Variants in NUDT3 observed in about 807,000 individuals in gnomAD.
NUDT3 encodes nudix hydrolase 3, also known as diphosphoinositol polyphosphate phosphohydrolase 1.
In NUDT3, 9 loss-of-function variants were observed where a neutral mutation model predicts 23.6. The observed-to-expected ratio is 0.38, with a 90% CI of 0.23 to 0.66. The LOEUF (loss-of-function observed/expected upper bound fraction) is 0.66, where lower values mean the gene tolerates loss of function less well. Ranked by LOEUF, NUDT3 falls within the 30% of genes least tolerant of loss-of-function variation. The probability of loss-of-function intolerance (pLI) is 0.52; values close to 1 mark genes in which losing one functional copy is unlikely to be tolerated. For missense variants in NUDT3, 172 were observed against 218.5 expected (o/e 0.79, Z 1.34); for synonymous variants, 86 against 82.6 (o/e 1.04, Z -0.22).
intron 2 of NUDT3, among the ~76,000 whole-genome samples, chr6:34,333,950 A>G (rs1764167160): frequency 6.6e-6 from 1 of 152,236 alleles, no homozygotes; most frequent in Non-Finnish European, 1.5e-5. Flanking sequence ...AGACAGGAAA[A>G]ACACAAAATA....
intron 2 of NUDT3, among the ~76,000 whole-genome samples, chr6:34,297,718 TAAAAAAA>T (rs200099331): frequency 2.0e-4 from 16 of 78,796 alleles, no homozygotes; most frequent in African/African-American, 3.8e-4. Context: ...CCGGCTAATG[TAAAAAAA>T]AAAAAATATA....
chr6:34,289,802 G>C (rs1485493827), intron 4 of NUDT3, among the ~76,000 whole-genome samples: 1 of 151,866 alleles, frequency 6.6e-6, no homozygotes, highest in Non-Finnish European at 1.5e-5. Context: ...TCTTATAAAA[G>C]TAATAACTAC....
intron 1 of NUDT3, among the ~76,000 whole-genome samples, chr6:34,373,195 C>T (rs1203627546): frequency 2.0e-5 from 3 of 150,068 alleles, no homozygotes; most frequent in Non-Finnish European, 4.4e-5. Flanking sequence ...AGGAGAATAG[C>T]ATGAACCCAG....
intron 1 of NUDT3, among the ~76,000 whole-genome samples, chr6:34,382,072 CAAAAAAAAA>C (rs957166787): frequency 5.1e-4 from 18 of 34,960 alleles, no homozygotes; most frequent in Admixed American, 2.2e-3. Flanking sequence ...GACTCTATCT[CAAAAAAAAA>C]AAAAAAAAAA....
At chr6:34,357,243 G>A (rs1430323882) in intron 1 of NUDT3, among the ~76,000 whole-genome samples, 1 of 152,136 alleles carries the variant, frequency 6.6e-6, no homozygotes, top group Non-Finnish European at 1.5e-5. Flanking sequence ...GATAACAGTT[G>A]AAGCTGACTG....
intron 2 of NUDT3, among the ~76,000 whole-genome samples, chr6:34,327,705 A>C (rs976111390): frequency 6.6e-6 from 1 of 152,194 alleles, no homozygotes; most frequent in Non-Finnish European, 1.5e-5. Flanking sequence ...CTTCCAGATG[A>C]CTGTGGGCAG....
At position 34,385,854 on chromosome 6, in the gene NUDT3, T is replaced by C. The variant is rs546719248; in HGVS notation, c.99+6410A>G. Among the ~76,000 whole-genome samples, 4 of 152,222 alleles carry C rather than the reference T, an allele frequency of 2.6e-5. No individual in the cohort carries two copies. The East Asian group carries it at 7.7e-4, about 29-fold the overall frequency. On this transcript the variant is annotated intron_variant, in intron 1 of 4. Coordinates refer to ENST00000607016, the MANE Select transcript of NUDT3 (RefSeq NM_006703.4). The stretch of plus-strand genomic sequence containing the variant: ...TGCACACCACCGTGCCTGGCTAGTT[T>C]TGTATTTTCAGTAAAGAGGGGGTTT...
At chr6:34,378,766 G>T (rs1017002321) in intron 1 of NUDT3, among the ~76,000 whole-genome samples, 1 of 152,220 alleles carries the variant, frequency 6.6e-6, no homozygotes, top group African/African-American at 2.4e-5. Context: ...AGAGAGCTAG[G>T]TGGAGGATGG....
intron 1 of NUDT3, among the ~76,000 whole-genome samples, chr6:34,366,467 A>G (rs1005892874): frequency 2.4e-5 from 2 of 82,830 alleles, no homozygotes; most frequent in African/African-American, 4.9e-5. Flanking sequence ...AGAAAGAGAG[A>G]GAGGGAAGGG....
At chr6:34,306,987 TACA>T (rs1763690792) in intron 2 of NUDT3, among the ~76,000 whole-genome samples, 1 of 152,262 alleles carries the variant, frequency 6.6e-6, no homozygotes, top group Non-Finnish European at 1.5e-5. Flanking sequence ...TGAGTGTATT[TACA>T]ACAATGTGGC....
intron 1 of NUDT3, among the ~76,000 whole-genome samples, chr6:34,346,992 CT>C (rs1310875568): frequency 6.6e-6 from 1 of 152,172 alleles, no homozygotes; most frequent in African/African-American, 2.4e-5. Flanking sequence ...TGGTCTTGAA[CT>C]CCTGACCTCA....
At chr6:34,318,077 G>A (rs1268757753) in intron 2 of NUDT3, among the ~76,000 whole-genome samples, 1 of 152,122 alleles carries the variant, frequency 6.6e-6, no homozygotes, top group Non-Finnish European at 1.5e-5. Flanking sequence ...TCTGCCATCT[G>A]CCCCCAGAGA....
At chr6:34,390,293 C>CAA (rs755995171) in intron 1 of NUDT3, among the ~76,000 whole-genome samples, 2 of 134,740 alleles carry the variant, frequency 1.5e-5, no homozygotes, top group South Asian at 2.4e-4. Flanking sequence ...GAGTCGGTCT[C>CAA]AAAAAAAAAA....
intron 4 of NUDT3, among the ~76,000 whole-genome samples, chr6:34,290,517 T>G (rs910455392): frequency 2.0e-5 from 3 of 148,796 alleles, no homozygotes; most frequent in African/African-American, 7.4e-5. Context: ...CCACCACACC[T>G]GTCCTATGTC....
intron 2 of NUDT3, among the ~76,000 whole-genome samples, chr6:34,298,797 T>C (rs1021178865): frequency 8.5e-5 from 13 of 152,324 alleles, no homozygotes; most frequent in African/African-American, 2.6e-4. Flanking sequence ...ATTTATGGGA[T>C]CTAATTAGCA....
At chr6:34,332,923 C>G (rs1764149801) in intron 2 of NUDT3, among the ~76,000 whole-genome samples, 1 of 152,032 alleles carries the variant, frequency 6.6e-6, no homozygotes, top group South Asian at 2.1e-4. Context: ...TCCCTTTTTT[C>G]CCCTGTCAGA....
chr6:34,381,073 G>T, intron 1 of NUDT3, among the ~76,000 whole-genome samples: 1 of 152,138 alleles, frequency 6.6e-6, no homozygotes, highest in East Asian at 1.9e-4. Flanking sequence ...CTGAAGTGCA[G>T]TGGCACAACC....
intron 1 of NUDT3, among the ~76,000 whole-genome samples, chr6:34,345,468 C>T (rs1764352902): frequency 6.6e-6 from 1 of 150,954 alleles, no homozygotes; most frequent in Non-Finnish European, 1.5e-5. Context: ...TCGAGACCAT[C>T]CTGGCTAACA....
intron 2 of NUDT3, among the ~76,000 whole-genome samples, chr6:34,303,707 T>C (rs573267754): frequency 6.6e-6 from 1 of 152,320 alleles, no homozygotes; most frequent in Non-Finnish European, 1.5e-5. Context: ...CAAATTCTCA[T>C]TCATAAATGA....
Sources: allele counts gnomAD v4.1 joint callset (sites outside exome capture counted in the v4.1 genomes callset), GRCh38; gene constraint gnomAD v4.1.1; transcripts MANE v1.5; gene names NCBI Gene and HGNC (gene_info 2026-07-23, HGNC 2026-07-21).